The following HMGCLL1 variants were observed in gnomAD, a reference collection of about 807,000 sequenced individuals.
HMGCLL1 encodes 3-hydroxymethyl-3-methylglutaryl-CoA lyase, cytoplasmic.
A neutral mutation model predicts 39.1 loss-of-function variants in HMGCLL1; 36 were observed. The observed-to-expected ratio is 0.92, with a 90% CI of 0.71 to 1.22. The LOEUF is 1.22. Ranked by LOEUF, HMGCLL1 falls within the 50% of genes most tolerant of loss-of-function variation. HMGCLL1 has a pLI of 0.00. For synonymous variants in HMGCLL1, 149 were observed against 144.0 expected (o/e 1.03, Z -0.25); for missense variants, 451 against 416.5 (o/e 1.08, Z -0.72).
intron 5 of HMGCLL1, among the ~76,000 whole-genome samples, chr6:55,510,575 G>A: frequency 7.3e-6 from 1 of 137,498 alleles, no homozygotes; most frequent in South Asian, 2.3e-4. Context: ...CTCACTCATA[G>A]ATGGGAATTG....
intron 7 of HMGCLL1, among the ~76,000 whole-genome samples, chr6:55,492,311 G>A (rs1056155129): frequency 7.2e-5 from 11 of 152,094 alleles, no homozygotes; most frequent in Admixed American, 3.9e-4. Context: ...AACACTGACA[G>A]TTTTCTTCAA....
chr6:55,528,467 G>A (rs1223242916), intron 3 of HMGCLL1, among the ~76,000 whole-genome samples: 3 of 152,030 alleles, frequency 2.0e-5, no homozygotes, highest in Non-Finnish European at 4.4e-5. Context: ...GAATAGCACT[G>A]TAGCCTGGGT....
intron 5 of HMGCLL1, among the ~76,000 whole-genome samples, chr6:55,507,391 C>A (rs139229091): frequency 6.6e-6 from 1 of 151,754 alleles, no homozygotes; most frequent in East Asian, 1.9e-4. Context: ...CTAAATGGGA[C>A]CTGCATGGCA....
chr6:55,588,832 T>C, the HMGCLL1 span, among the ~76,000 whole-genome samples: 1 of 152,038 alleles, frequency 6.6e-6, no homozygotes. Flanking sequence ...CTTCAACACA[T>C]ACACCCTCCC....
At chr6:55,596,889 A>G in the HMGCLL1 span, among the ~76,000 whole-genome samples, 1 of 152,196 alleles carries the variant, frequency 6.6e-6, no homozygotes, top group African/African-American at 2.4e-5. Flanking sequence ...TTGAAAATCA[A>G]TGAAGGATGC....
chr6:55,575,450 T>C (rs566926524), intron 1 of HMGCLL1, among the ~76,000 whole-genome samples: 1 of 152,150 alleles, frequency 6.6e-6, no homozygotes, highest in Non-Finnish European at 1.5e-5. Flanking sequence ...TTATCTCTAA[T>C]ATGTAAGCTG....
At chr6:55,633,176 A>C in the HMGCLL1 span, among the ~76,000 whole-genome samples, 1 of 152,074 alleles carries the variant, frequency 6.6e-6, no homozygotes, top group Non-Finnish European at 1.5e-5. Context: ...ATGTCATTCA[A>C]ATTTACGTTT....
intron 3 of HMGCLL1, among the ~76,000 whole-genome samples, chr6:55,534,139 A>G (rs1465058967): frequency 6.6e-6 from 1 of 152,164 alleles, no homozygotes; most frequent in Non-Finnish European, 1.5e-5. Flanking sequence ...TAGCCATGAC[A>G]GTACTAAAAT....
intron 1 of HMGCLL1, among the ~76,000 whole-genome samples, chr6:55,544,987 A>G (rs1158162513): frequency 6.6e-6 from 1 of 152,114 alleles, no homozygotes; most frequent in Non-Finnish European, 1.5e-5. Flanking sequence ...AGAACAATAA[A>G]TAAAATATAT....
At chr6:55,594,622 G>C in the HMGCLL1 span, among the ~76,000 whole-genome samples, 1 of 152,124 alleles carries the variant, frequency 6.6e-6, no homozygotes, top group Non-Finnish European at 1.5e-5. Flanking sequence ...CCCCTTTCAA[G>C]TAGAGCACGC....
intron 1 of HMGCLL1, among the ~76,000 whole-genome samples, chr6:55,567,162 G>A (rs11969281): frequency 9.8e-4 from 149 of 152,124 alleles, no homozygotes; most frequent in African/African-American, 3.5e-3. Context: ...AAACAAGGAT[G>A]GGTATCCCAA....
At chr6:55,642,762 T>C in the HMGCLL1 span, among the ~76,000 whole-genome samples, 2 of 152,110 alleles carry the variant, frequency 1.3e-5, no homozygotes, top group African/African-American at 4.8e-5. Context: ...TAGTATCCAA[T>C]AATTATTTTT....
chr6:55,477,720 A>T lies in HMGCLL1; in HGVS notation c.795+17699T>A, dbSNP rs116080169. Among the ~76,000 whole-genome samples, 725 of 149,576 alleles carry T rather than the reference A, an allele frequency of 4.8e-3. 20 individuals are homozygous for T. Among genetic ancestry groups the T allele is most frequent in the African/African-American group, 0.017 (694 of 40,172 alleles). ...TAGTATTTTAAAGCAGTGACTTCTA[A>T]TAAATTTTCTAATGTAAAGCCAAAC... On this transcript the variant is annotated intron_variant, in intron 7 of 8. Transcript: ENST00000274901.
At chr6:55,491,945 C>G (rs1766331689) in intron 7 of HMGCLL1, among the ~76,000 whole-genome samples, 1 of 151,904 alleles carries the variant, frequency 6.6e-6, no homozygotes, top group Non-Finnish European at 1.5e-5. Flanking sequence ...AAAATAAAAC[C>G]CAGGAACCCC....
At chr6:55,520,246 TAATA>T (rs34163936) in intron 3 of HMGCLL1, among the ~76,000 whole-genome samples, 4,994 of 143,890 alleles carry the variant, frequency 0.035, 257 homozygotes, top group African/African-American at 0.11. Flanking sequence ...TAAAGTATAA[TAATA>T]AATAAATAAA....
chr6:55,614,452 T>C, the HMGCLL1 span, among the ~76,000 whole-genome samples: 114 of 152,232 alleles, frequency 7.5e-4, 1 homozygote, highest in African/African-American at 2.3e-3. Context: ...CCTCCAGAAC[T>C]ATGAGAAATA....
chr6:55,471,869 T>G (rs1765063776), intron 7 of HMGCLL1, among the ~76,000 whole-genome samples: 1 of 151,636 alleles, frequency 6.6e-6, no homozygotes, highest in African/African-American at 2.4e-5. Flanking sequence ...TGTAAACATC[T>G]ATAACCATGG....
intron 7 of HMGCLL1, among the ~76,000 whole-genome samples, chr6:55,492,806 C>T (rs139381655): frequency 1.2e-3 from 181 of 152,108 alleles, no homozygotes; most frequent in African/African-American, 4.3e-3. Context: ...CTTTCCTAGC[C>T]CCCTTCCCTC....
chr6:55,499,925 A>G (rs1203095718), intron 5 of HMGCLL1, among the ~76,000 whole-genome samples: 1 of 152,056 alleles, frequency 6.6e-6, no homozygotes, highest in Non-Finnish European at 1.5e-5. Flanking sequence ...TCTAACATTA[A>G]AAAGTCAAGC....
Sources: gnomAD v4.1 joint callset for allele counts (sites outside exome capture counted in the v4.1 genomes callset) on GRCh38, gnomAD v4.1.1 for gene constraint, MANE v1.5 for transcripts, NCBI Gene and HGNC (gene_info 2026-07-23, HGNC 2026-07-21) for gene names.